BICD2: variants seen among roughly 807,000 people sequenced by gnomAD.
BICD2 encodes protein bicaudal D homolog 2.
A neutral mutation model predicts 72.9 loss-of-function variants in BICD2; 25 were observed. The observed-to-expected ratio is 0.34, with a 90% CI of 0.25 to 0.48. The LOEUF (loss-of-function observed/expected upper bound fraction) is 0.48. Among genes scored for constraint, BICD2 ranks in the 20% least tolerant of loss-of-function variants. The pLI, the probability that BICD2 is intolerant of heterozygous loss-of-function variation, is 0.99. For synonymous variants in BICD2, 501 were observed against 516.1 expected, an observed-to-expected ratio of 0.97 and a Z score of 0.40; for missense variants, 894 against 1,175.2, an observed-to-expected ratio of 0.76 and a Z score of 3.50.
chr9:92,717,787 G>A lies in BICD2; in HGVS notation c.2258+10C>T, dbSNP rs1853347729. 8 of 1,603,150 alleles carry A rather than the reference G, an allele frequency of 5.0e-6. No individual in the cohort carries two copies. Among genetic ancestry groups the A allele is most frequent in the Non-Finnish European group, 6.8e-6 (8 of 1,175,034 alleles). On this transcript the variant is annotated intron_variant, in intron 6 of 6. Coordinates refer to ENST00000356884, the MANE Select transcript of BICD2 (RefSeq NM_001003800.2). Reference sequence around the variant, plus strand: ...TGTGGAAGGGGAGGGCCCGACAGCAGCACGGTTACCTGGTGGCAAACATAG... The same window carrying A: ...TGTGGAAGGGGAGGGCCCGACAGCAACACGGTTACCTGGTGGCAAACATAG...
At chr9:92,754,301 T>C (rs1286584376) in intron 1 of BICD2, among the ~76,000 whole-genome samples, 2 of 152,178 alleles carry the variant, frequency 1.3e-5, no homozygotes, top group Non-Finnish European at 2.9e-5. Flanking sequence ...TGGGAAGCTG[T>C]AGGTGCGTGT....
chr9:92,717,134 G>C (rs10992432), intron 6 of BICD2, among the ~76,000 whole-genome samples: 3 of 151,992 alleles, frequency 2.0e-5, no homozygotes. Flanking sequence ...GTTCTTGGGG[G>C]CAAATACCTC....
At chr9:92,759,892 C>T (rs1438431116) in intron 1 of BICD2, among the ~76,000 whole-genome samples, 2 of 152,330 alleles carry the variant, frequency 1.3e-5, no homozygotes, top group East Asian at 3.9e-4. Flanking sequence ...GATCTCCTCC[C>T]TCAAAGGAAG....
intron 1 of BICD2, among the ~76,000 whole-genome samples, chr9:92,762,364 T>C (rs957917727): frequency 2.6e-5 from 4 of 152,114 alleles, no homozygotes; most frequent in Non-Finnish European, 5.9e-5. Context: ...TGGTACAAAC[T>C]TTCTGGCAAC....
At chr9:92,728,922 C>G in intron 2 of BICD2, 102 bp downstream of exon 2, 1 of 1,296,922 alleles carries the variant, frequency 7.7e-7, no homozygotes, top group Non-Finnish European at 1.1e-6. Context: ...GCTGCAGCGT[C>G]CCCAGAGGCC....
At chr9:92,728,765 C>A (rs1011562027) in intron 2 of BICD2, among the ~76,000 whole-genome samples, 1 of 152,268 alleles carries the variant, frequency 6.6e-6, no homozygotes, top group Non-Finnish European at 1.5e-5. Context: ...TCTGGACTTG[C>A]TCATGGGACT....
At chr9:92,748,720 T>C (rs1484036631) in intron 1 of BICD2, among the ~76,000 whole-genome samples, 2 of 152,058 alleles carry the variant, frequency 1.3e-5, no homozygotes, top group Non-Finnish European at 2.9e-5. Context: ...CTCCTCTCTT[T>C]ATTCAAAAGG....
At chr9:92,760,043 C>T (rs1854338552) in intron 1 of BICD2, among the ~76,000 whole-genome samples, 1 of 152,192 alleles carries the variant, frequency 6.6e-6, no homozygotes, top group Non-Finnish European at 1.5e-5. Flanking sequence ...TAACAGGCAT[C>T]ATCATTAACC....
Position 92,722,788 on chromosome 9 carries a change from G to T in BICD2, c.474C>A (p.Ile158=), listed in dbSNP as rs1853490852. The T allele has an allele frequency of 6.2e-7, 1 of 1,614,158 alleles. No individual in the cohort carries two copies. The highest frequency in any genetic ancestry group is 8.5e-7 in the Non-Finnish European group (1 of 1,180,042). Residue 158 remains isoleucine (I), a synonymous_variant, in exon 3 of 7, where the codon ATC becomes ATA. Transcript: ENST00000356884. ...TGTCATCCCGCAGGCGGCCACGCTG[G>T]ATCTCCACATTCTGGTTGATCTGTT... ...ELKEINQNVE[I]QRGRLRDDIK... is the part of the protein sequence containing the mutation.
At chr9:92,739,079 C>A (rs1853846545) in intron 1 of BICD2, among the ~76,000 whole-genome samples, 1 of 152,196 alleles carries the variant, frequency 6.6e-6, no homozygotes, top group African/African-American at 2.4e-5. Flanking sequence ...CCTCCCACCA[C>A]CTGCTAAGGT....
At chr9:92,756,610 C>T (rs1258394652) in intron 1 of BICD2, among the ~76,000 whole-genome samples, 12 of 150,390 alleles carry the variant, frequency 8.0e-5, no homozygotes, top group Middle Eastern at 3.2e-3. Flanking sequence ...CAGTGGCTCA[C>T]GCCTGTAATC....
chr9:92,747,105 G>C (rs1470629138), intron 1 of BICD2, among the ~76,000 whole-genome samples: 1 of 152,052 alleles, frequency 6.6e-6, no homozygotes, highest in East Asian at 1.9e-4. Flanking sequence ...CTAGGGAAAG[G>C]CCACCAAACT....
At chr9:92,763,916 C>A (rs72758532) in intron 1 of BICD2, among the ~76,000 whole-genome samples, 4,956 of 152,316 alleles carry the variant, frequency 0.033, 109 homozygotes, top group South Asian at 0.1. Context: ...GGGGCAACCT[C>A]CACGTGCAAC....
chr9:92,713,836 C>A lies in BICD2; in HGVS notation c.*1318G>T, dbSNP rs967158228. The A allele has an allele frequency of 3.2e-5, 35 of 1,082,510 alleles. No individual in the cohort carries two copies. The highest frequency in any genetic ancestry group is 3.7e-5 in the Non-Finnish European group (33 of 886,478). 67.1% of individuals were successfully genotyped at this position (1,082,510 alleles called of 1,614,324 possible). On this transcript the variant is annotated 3_prime_UTR_variant, in exon 7 of 7. Coordinates refer to ENST00000356884, the MANE Select transcript of BICD2 (RefSeq NM_001003800.2). ...ATACTCGGCACCAAAGGGAAGAACG[C>A]GCAGGGCAGAGAGCTGTGGGAGGGG...
At chr9:92,753,928 A>G (rs182175172) in intron 1 of BICD2, among the ~76,000 whole-genome samples, 9 of 151,636 alleles carry the variant, frequency 5.9e-5, no homozygotes, top group African/African-American at 2.2e-4. Flanking sequence ...GCGGATCACG[A>G]GGTCAGGAGA....
chr9:92,758,648 C>T (rs1447286105), intron 1 of BICD2, among the ~76,000 whole-genome samples: 1 of 150,160 alleles, frequency 6.7e-6, no homozygotes, highest in Non-Finnish European at 1.5e-5. Context: ...GTCAGGAGTT[C>T]GAGACCAGCC....
intron 6 of BICD2, among the ~76,000 whole-genome samples, chr9:92,716,094 G>A (rs1853306997): frequency 6.6e-6 from 1 of 152,106 alleles, no homozygotes; most frequent in Non-Finnish European, 1.5e-5. Flanking sequence ...GTGGGGCTTG[G>A]TAGAGACAAA....
chr9:92,717,073 T>C (rs1853331340), intron 6 of BICD2, among the ~76,000 whole-genome samples: 1 of 152,184 alleles, frequency 6.6e-6, no homozygotes. Flanking sequence ...AGGAGGATAA[T>C]CTTCCTTCTG....
Position 92,764,790 on chromosome 9 carries a change from G to C in BICD2, c.-46C>G, listed in dbSNP as rs777337517. ...GCTCCCACTGAGGCTCTCGCAGGCC[G>C]GGCCCTCCTCAGCCGCCGCCGCTGC... On this transcript the variant is annotated 5_prime_UTR_variant, in exon 1 of 7. Transcript: ENST00000356884. This position sits in a 1 kb window ranked among gnomAD's most constrained non-coding sequence, Gnocchi z 5.5. 1.4e-6 allele frequency: 2 copies of C among 1,380,390 alleles called. No individual in the cohort carries two copies. The highest frequency in any genetic ancestry group is 1.9e-6 in the Non-Finnish European group (2 of 1,068,358). The allele number at this position is 1,380,390 out of a possible 1,614,324, so 85.5% of individuals were successfully genotyped here.
Sources: gnomAD v4.1 joint callset for allele counts (sites outside exome capture counted in the v4.1 genomes callset) on GRCh38, gnomAD v4.1.1 for gene constraint, Gnocchi (gnomAD v3.1) non-coding constraint, MANE v1.5 for transcripts, NCBI Gene and HGNC (gene_info 2026-07-23, HGNC 2026-07-21) for gene names.